The following FGF5 variants were observed in gnomAD, a reference collection of about 807,000 sequenced individuals.
FGF5 encodes heparin-binding growth factor 5.
FGF5 carries 23 observed loss-of-function variants against 21.8 expected under a neutral mutation model. That is an observed-to-expected ratio of 1.05 (90% confidence interval 0.76 to 1.49). The LOEUF (loss-of-function observed/expected upper bound fraction) is 1.49, where lower values mean the gene tolerates loss of function less well. Among genes scored for constraint, FGF5 ranks in the 40% most tolerant of loss-of-function variants. The pLI is 0.00. For synonymous variants in FGF5, 158 were observed against 124.0 expected (o/e 1.27, Z -1.82); for missense variants, 352 against 332.9 (o/e 1.06, Z -0.45).
rs543109459 is a variant in FGF5, at chr4:80,287,573, C to T, written c.*901C>T. On this transcript the variant is annotated 3_prime_UTR_variant, in exon 3 of 3. Coordinates refer to ENST00000312465, the MANE Select transcript of FGF5 (RefSeq NM_004464.4). ...CTTGCCTTCATTTCTCTTTTTATCT[C>T]CCCCTTGCCCTCATTCTTGAACAGC... 5 of 152,228 alleles carry T rather than the reference C, an allele frequency of 3.3e-5. No individual in the cohort carries two copies. In the East Asian group the frequency reaches 9.6e-4, roughly 29 times the overall value. The allele number at this position is 152,228 out of a possible 1,614,324, so 9.4% of individuals were successfully genotyped here. A position where few individuals can be genotyped will look rare whatever the true frequency, so the allele number is the denominator to read the frequency against.
At chr4:80,283,042 C>A (rs551730378) in intron 2 of FGF5, among the ~76,000 whole-genome samples, 1 of 151,888 alleles carries the variant, frequency 6.6e-6, no homozygotes, top group African/African-American at 2.4e-5. Flanking sequence ...TGAGCCAGAC[C>A]GGGAATACTA....
chr4:80,267,631 A>T lies in FGF5; in HGVS notation c.355+452A>T, dbSNP rs551170302. On this transcript the variant is annotated intron_variant, in intron 1 of 2. Transcript: ENST00000312465. ...TTTTTGAAAAGAAGAATCAAATCCC[A>T]AATACTTCCCTCTTCCATCCGCTAC... Among the ~76,000 whole-genome samples the T allele has an allele frequency of 7.2e-5, 11 of 152,320 alleles. No homozygotes were observed. In the East Asian group the frequency reaches 2.1e-3, roughly 29 times the overall value.
intron 2 of FGF5, among the ~76,000 whole-genome samples, chr4:80,284,132 T>C (rs1168005068): frequency 6.6e-6 from 1 of 152,104 alleles, no homozygotes; most frequent in Non-Finnish European, 1.5e-5. Flanking sequence ...TAGGTGGTGA[T>C]TGTTTATAAT....
intron 2 of FGF5, among the ~76,000 whole-genome samples, chr4:80,282,856 T>TA (rs546854609): frequency 1.9e-4 from 29 of 152,030 alleles, no homozygotes; most frequent in South Asian, 1.9e-3. Flanking sequence ...ACTTATAATT[T>TA]AAAAAAAAGA....
chr4:80,283,427 A>G (rs1345700207), intron 2 of FGF5, among the ~76,000 whole-genome samples: 11 of 152,086 alleles, frequency 7.2e-5, no homozygotes, highest in African/African-American at 2.4e-4. Flanking sequence ...AGATGAAACA[A>G]TTGTAGGGGG....
rs587777581 is a variant in FGF5, at chr4:80,286,385, T to G, written c.520T>G (p.Tyr174Asp). The change falls in exon 3 of 3, where the codon TAT (tyrosine) becomes GAT (aspartate). Residue 174 changes from tyrosine (Y) to aspartate (D), a missense_variant. Transcript: ENST00000312465. ...ERFQENSYNT[Y>D]ASAIHRTEKT... ...TTTTCAAGAAAATAGCTATAATACC[T>G]ATGCCTCAGCAATACATAGAACTGA... is the stretch of plus-strand genomic sequence containing the variant. 10 of 1,613,770 alleles carry G rather than the reference T, an allele frequency of 6.2e-6. No homozygotes were observed. Among genetic ancestry groups the G allele is most frequent in the Non-Finnish European group, 7.6e-6 (9 of 1,179,866 alleles).
At chr4:80,280,891 G>A (rs907523243) in intron 2 of FGF5, among the ~76,000 whole-genome samples, 1 of 152,052 alleles carries the variant, frequency 6.6e-6, no homozygotes, top group Admixed American at 6.6e-5. Context: ...CACAGTCCCT[G>A]GAGATAGGGC....
chr4:80,267,396 C>T (rs1720127097), intron 1 of FGF5, among the ~76,000 whole-genome samples: 1 of 152,188 alleles, frequency 6.6e-6, no homozygotes, highest in African/African-American at 2.4e-5. Context: ...TGCGATTTCT[C>T]AGGTGTATGT....
At position 80,286,427 on chromosome 4, in the gene FGF5, T is replaced by C. The variant is rs1720722078; in HGVS notation, c.562T>C (p.Trp188Arg). 1 of 1,612,968 alleles carries C rather than the reference T, an allele frequency of 6.2e-7. No individual in the cohort carries two copies. Among genetic ancestry groups the C allele is most frequent in the African/African-American group, 1.3e-5 (1 of 74,576 alleles). Residue 188 changes from tryptophan to arginine, a missense_variant, in exon 3 of 3, where the codon TGG becomes CGG. Trp to Arg is a moderately radical substitution (Grantham distance 101, BLOSUM62 -3). Transcript: ENST00000312465. ...TAGAACTGAAAAAACAGGGCGGGAG[T>C]GGTATGTGGCCCTGAATAAAAGAGG... Reference protein sequence around the residue: ...IHRTEKTGREWYVALNKRGKA... With the variant: ...IHRTEKTGRERYVALNKRGKA...
chr4:80,266,854 C>G lies in FGF5; in HGVS notation c.30C>G (p.Phe10Leu). The change falls in exon 1 of 3, where the codon TTC becomes TTG. Residue 10 changes from phenylalanine to leucine, a missense_variant. Phe to Leu is a conservative substitution (Grantham distance 22). Coordinates refer to ENST00000312465, the MANE Select transcript of FGF5 (RefSeq NM_004464.4). MSLSFLLLL[F>L]FSHLILSAWA... The stretch of plus-strand genomic sequence containing the variant: ...GCTTGTCCTTCCTCCTCCTCCTCTT[C>G]TTCAGCCACCTGATCCTCAGCGCCT... 2 of 1,604,524 alleles carry G rather than the reference C, an allele frequency of 1.2e-6. No homozygotes were observed. Among genetic ancestry groups the G allele is most frequent in the Non-Finnish European group, 1.7e-6 (2 of 1,176,108 alleles).
At chr4:80,272,237 A>G (rs1181411106) in intron 1 of FGF5, among the ~76,000 whole-genome samples, 1 of 152,186 alleles carries the variant, frequency 6.6e-6, no homozygotes, top group East Asian at 1.9e-4. Context: ...GCTTTCAGTT[A>G]AAGATAATTT....
At position 80,286,653 on chromosome 4, in the gene FGF5, T is replaced by G; in HGVS notation, c.788T>G (p.Leu263Arg). 1 of 1,613,646 alleles carries G rather than the reference T, an allele frequency of 6.2e-7. No individual in the cohort carries two copies. The highest frequency in any genetic ancestry group is 8.5e-7 in the Non-Finnish European group (1 of 1,179,756). The change falls in exon 3 of 3, where the codon CTC becomes CGC. Residue 263 changes from leucine to arginine, a missense_variant. By Grantham distance (102) the Leu-to-Arg change is moderately radical. Coordinates refer to ENST00000312465, the MANE Select transcript of FGF5 (RefSeq NM_004464.4). ...RKNTNSVKYRLKFRFG is the reference protein window; with the variant it reads ...RKNTNSVKYRRKFRFG ...AATACCAACTCAGTGAAATACAGAC[T>G]CAAGTTTCGCTTTGGATAATATTCC...
At chr4:80,274,364 T>C (rs916722294) in intron 1 of FGF5, among the ~76,000 whole-genome samples, 2 of 152,108 alleles carry the variant, frequency 1.3e-5, no homozygotes, top group African/African-American at 4.8e-5. Context: ...ATGTAGTCTT[T>C]AAATGCAGTC....
intron 2 of FGF5, among the ~76,000 whole-genome samples, chr4:80,275,387 G>A (rs1251106009): frequency 6.6e-6 from 1 of 151,828 alleles, no homozygotes; most frequent in East Asian, 1.9e-4. Flanking sequence ...AAGTAGATGA[G>A]GTTCTTATTT....
rs1225706692 is a variant in FGF5 at position 80,290,192 on chromosome 4, A to G, written c.*3520A>G. ...CAGACATTGCTGCAATGGGAAGCAG[A>G]CAATAACTTCTTAAAGGAATTCTAC... is the stretch of plus-strand genomic sequence containing the variant. On this transcript the variant is annotated 3_prime_UTR_variant, in exon 3 of 3. Transcript: ENST00000312465. 1 of 152,158 alleles carries G rather than the reference A, an allele frequency of 6.6e-6. No homozygotes were observed. The highest frequency in any genetic ancestry group is 1.5e-5 in the Non-Finnish European group (1 of 68,020). 9.4% of individuals were successfully genotyped at this position (152,158 alleles called of 1,614,324 possible).
At chr4:80,277,148 G>A (rs1015351500) in intron 2 of FGF5, among the ~76,000 whole-genome samples, 1 of 152,086 alleles carries the variant, frequency 6.6e-6, no homozygotes, top group Non-Finnish European at 1.5e-5. Context: ...TGACCCAAAT[G>A]TCTAAGGATG....
intron 1 of FGF5, among the ~76,000 whole-genome samples, chr4:80,269,126 G>T (rs1720197676): frequency 1.3e-5 from 2 of 152,148 alleles, no homozygotes; most frequent in African/African-American, 4.8e-5. Context: ...ACATCTAGGA[G>T]CAACCAGGCT....
intron 1 of FGF5, among the ~76,000 whole-genome samples, chr4:80,270,760 G>C (rs1720248817): frequency 6.6e-6 from 1 of 152,146 alleles, no homozygotes; most frequent in Non-Finnish European, 1.5e-5. Flanking sequence ...AAAGTTTAAG[G>C]CTTTGTCAAA....
intron 1 of FGF5, among the ~76,000 whole-genome samples, chr4:80,267,733 G>GTAGGTAGATAGATAGATAGATAGATAGA (rs1553910467): frequency 7.9e-5 from 12 of 151,066 alleles, no homozygotes; most frequent in African/African-American, 2.2e-4. Context: ...ATACACATAG[G>GTAGGTAGATAGATAGATAGATAGATAGA]TAGATAGATA....
Sources: gnomAD v4.1 joint callset for allele counts (sites outside exome capture counted in the v4.1 genomes callset) on GRCh38, gnomAD v4.1.1 for gene constraint, MANE v1.5 for transcripts, NCBI Gene and HGNC (gene_info 2026-07-23, HGNC 2026-07-21) for gene names.